Variants in SLC10A1 observed in about 807,000 individuals in gnomAD.
SLC10A1 encodes hepatic sodium/bile acid cotransporter.
Under a neutral mutation model 20.5 loss-of-function variants are expected in SLC10A1, and 36 were observed. The ratio of observed to expected loss-of-function variants is 1.75; its 90% CI spans 1.34 to 2.32. The LOEUF is 2.32. Among genes scored for constraint, SLC10A1 ranks in the 30% most tolerant of loss-of-function variants. SLC10A1 has a pLI of 0.00. For synonymous variants in SLC10A1, 188 were observed against 163.6 expected, an observed-to-expected ratio of 1.15 and a Z score of -1.14; for missense variants, 545 against 439.1, an observed-to-expected ratio of 1.24 and a Z score of -2.16.
At chr14:69,784,279 G>A (rs1883662249) in intron 2 of SLC10A1, among the ~76,000 whole-genome samples, 1 of 152,216 alleles carries the variant, frequency 6.6e-6, no homozygotes, top group Admixed American at 6.5e-5. Context: ...AGGCTTTTGA[G>A]GAGGCAGTGG....
At chr14:69,776,794 C>T (rs1883458434) in intron 4 of SLC10A1, among the ~76,000 whole-genome samples, 1 of 152,194 alleles carries the variant, frequency 6.6e-6, no homozygotes, top group African/African-American at 2.4e-5. Context: ...TGATCTACCT[C>T]TTCTTGTCCG....
chr14:69,779,227 A>G lies in SLC10A1; in HGVS notation c.701T>C (p.Phe234Ser). 2 of 1,613,766 alleles carry G rather than the reference A, an allele frequency of 1.2e-6. No individual in the cohort carries two copies. The highest frequency in any genetic ancestry group is 1.7e-6 in the Non-Finnish European group (2 of 1,179,884). ...AGCAGAGAGAACATAACCCAGCAGAAAGCCAATAAAAGGCATCAGGGAGGA... is the reference window on the plus strand; with the variant it reads ...AGCAGAGAGAACATAACCCAGCAGAGAGCCAATAAAAGGCATCAGGGAGGA... ...ATSSLMPFIG[F>S]LLGYVLSALF... is the part of the protein sequence containing the mutation. Residue 234 changes from phenylalanine to serine, a missense_variant, in exon 3 of 5, where the codon TTT (phenylalanine) becomes TCT (serine). Coordinates refer to ENST00000216540, the MANE Select transcript of SLC10A1 (RefSeq NM_003049.4).
intron 1 of SLC10A1, among the ~76,000 whole-genome samples, chr14:69,793,740 C>A (rs1304885389): frequency 6.6e-6 from 1 of 152,120 alleles, no homozygotes; most frequent in Non-Finnish European, 1.5e-5. Flanking sequence ...CCGATGGTGG[C>A]AGGGGGAGCA....
At chr14:69,785,066 C>G (rs1374263479) in intron 2 of SLC10A1, among the ~76,000 whole-genome samples, 1 of 152,162 alleles carries the variant, frequency 6.6e-6, no homozygotes, top group Non-Finnish European at 1.5e-5. Flanking sequence ...AGGCATTGAT[C>G]CAGGGGCAGA....
intron 4 of SLC10A1, among the ~76,000 whole-genome samples, chr14:69,776,763 T>A (rs1883457631): frequency 6.6e-6 from 1 of 152,244 alleles, no homozygotes; most frequent in African/African-American, 2.4e-5. Flanking sequence ...GAGTTTCCAG[T>A]TCTTCCCTCC....
chr14:69,780,493 AAAAGT>A (rs1413027707), intron 2 of SLC10A1, among the ~76,000 whole-genome samples: 2 of 148,324 alleles, frequency 1.3e-5, no homozygotes, highest in African/African-American at 4.8e-5. Context: ...AACATTTTAA[AAAAGT>A]AAAATATGTA....
At chr14:69,790,347 T>C (rs201593308) in intron 1 of SLC10A1, among the ~76,000 whole-genome samples, 1 of 152,250 alleles carries the variant, frequency 6.6e-6, no homozygotes, top group South Asian at 2.1e-4. Context: ...TGTATAAAGT[T>C]AATATGATCT....
intron 2 of SLC10A1, among the ~76,000 whole-genome samples, chr14:69,782,470 G>A (rs1484588186): frequency 6.6e-6 from 1 of 152,136 alleles, no homozygotes; most frequent in African/African-American, 2.4e-5. Context: ...TGGGAATAAG[G>A]CAGGAGACTG....
At chr14:69,792,428 T>C (rs556131508) in intron 1 of SLC10A1, among the ~76,000 whole-genome samples, 4 of 152,266 alleles carry the variant, frequency 2.6e-5, no homozygotes, top group African/African-American at 9.6e-5. Context: ...AGAGGACACA[T>C]GAATGGCCAA....
At chr14:69,777,192 T>TTCC (rs1490151372) in intron 4 of SLC10A1, among the ~76,000 whole-genome samples, 1 of 152,224 alleles carries the variant, frequency 6.6e-6, no homozygotes, top group Non-Finnish European at 1.5e-5. Context: ...ATCTCTTGCG[T>TTCC]TCCTCTCAGA....
chr14:69,778,421 A>G lies in SLC10A1; in HGVS notation c.855T>C (p.Phe285=). Residue 285 remains phenylalanine (F), a synonymous_variant, in exon 4 of 5, where the codon TTT becomes TTC. Transcript: ENST00000216540. ...GCTGGAAAATCATGTAGAGGAGGGG[A>G]AAGAAGAAAAGTGGTCCAATGACTT... ...PPEVIGPLFF[F]PLLYMIFQLG... 6.2e-7 allele frequency: 1 copy of G among 1,614,030 alleles called. No individual in the cohort carries two copies. Among genetic ancestry groups the G allele is most frequent in the South Asian group, 1.1e-5 (1 of 91,070 alleles).
In SLC10A1 at chr14:69,778,338, G is replaced by A; in HGVS notation, c.938C>T (p.Pro313Leu). Residue 313 changes from proline to leucine, a missense_variant, in exon 4 of 5, where the codon CCC becomes CTC. Coordinates refer to ENST00000216540, the MANE Select transcript of SLC10A1 (RefSeq NM_003049.4). ...GGGATAATTTCAGTACTCACCCTTG[G>A]GAGTCTTGAATTTCTCATAGCACCA... ...IFWCYEKFKT[P>L]KDKTKMIYTA... 1.2e-6 allele frequency: 2 copies of A among 1,602,134 alleles called. No homozygotes were observed. Among genetic ancestry groups the A allele is most frequent in the Non-Finnish European group, 1.7e-6 (2 of 1,173,924 alleles).
chr14:69,786,099 T>A lies in SLC10A1; in HGVS notation c.565A>T (p.Lys189Ter), dbSNP rs1225557826. 1 of 1,613,868 alleles carries A rather than the reference T, an allele frequency of 6.2e-7. No homozygotes were observed. Among genetic ancestry groups the A allele is most frequent in the Non-Finnish European group, 8.5e-7 (1 of 1,179,846 alleles). Residue 189 changes from lysine (K) to a stop codon, truncating the protein, a stop_gained and splice_region_variant, in exon 2 of 5, where the codon AAG (lysine) becomes TAG (stop). Transcript: ENST00000216540. LOFTEE classifies it high-confidence loss of function. ...TGTCAAGCCTCCCAGGTTCTTACCT[T>A]GATGACATAGCGCATGTATTGTGGC... is the stretch of plus-strand genomic sequence containing the variant. Reference protein sequence around the residue: ...KRPQYMRYVIKGGMIIILLCS... With the variant: ...KRPQYMRYVI
chr14:69,791,547 G>A (rs1175750493), intron 1 of SLC10A1, among the ~76,000 whole-genome samples: 4 of 152,188 alleles, frequency 2.6e-5, no homozygotes, highest in Admixed American at 6.5e-5. Context: ...TGATCGGCCA[G>A]CCTTGACCTC....
rs1883432794 is a variant in SLC10A1, at chr14:69,775,832, TTTAGG to T, written c.*445_*449del. On this transcript the variant is annotated 3_prime_UTR_variant, in exon 5 of 5. Transcript: ENST00000216540. ...AAGGGAAGGAATAGGATCTGAACTTTTTAGGTTAGAACTTCTGAAGTTTAATTCTA... is the reference window on the plus strand; with the variant it reads ...AAGGGAAGGAATAGGATCTGAACTTTTTAGAACTTCTGAAGTTTAATTCTA... 1 of 153,830 alleles carries T rather than the reference TTTAGG, an allele frequency of 6.5e-6. No homozygotes were observed. The allele number at this position is 153,830 out of a possible 1,614,324, so 9.5% of individuals were successfully genotyped here.
intron 2 of SLC10A1, among the ~76,000 whole-genome samples, chr14:69,783,907 GCACA>G (rs976478098): frequency 2.0e-5 from 3 of 152,176 alleles, no homozygotes; most frequent in Admixed American, 2.0e-4. Flanking sequence ...GGGCAACTGG[GCACA>G]CACACAGTGC....
At chr14:69,776,498 T>C (rs955569341) in intron 4 of SLC10A1, 110 bp from the exon 5 acceptor site, 60 of 778,258 alleles carry the variant, frequency 7.7e-5, no homozygotes, top group Non-Finnish European at 1.1e-4. Flanking sequence ...TAGAGTGTGC[T>C]AAGTATATAT....
chr14:69,782,296 C>T (rs1883610367), intron 2 of SLC10A1, among the ~76,000 whole-genome samples: 1 of 152,186 alleles, frequency 6.6e-6, no homozygotes, highest in Non-Finnish European at 1.5e-5. Flanking sequence ...GTTTTTCCAG[C>T]CAAGGTATTT....
At chr14:69,784,931 T>C (rs780192536) in intron 2 of SLC10A1, among the ~76,000 whole-genome samples, 2 of 152,146 alleles carry the variant, frequency 1.3e-5, no homozygotes, top group African/African-American at 2.4e-5. Context: ...AAAACTACTC[T>C]TGAGACAATG....
Sources: allele counts gnomAD v4.1 joint callset (sites outside exome capture counted in the v4.1 genomes callset), GRCh38; gene constraint gnomAD v4.1.1; transcripts MANE v1.5; gene names NCBI Gene and HGNC (gene_info 2026-07-23, HGNC 2026-07-21).